Variants in ZMIZ1 observed in about 807,000 individuals in gnomAD.
ZMIZ1 encodes the protein zinc finger MIZ domain-containing protein 1.
In ZMIZ1, 17 loss-of-function variants were observed where a neutral mutation model predicts 113.9. The observed-to-expected ratio is 0.15, with a 90% CI of 0.10 to 0.22. The LOEUF (loss-of-function observed/expected upper bound fraction) is 0.22. Among genes scored for constraint, ZMIZ1 ranks in the 10% least tolerant of loss-of-function variants. ZMIZ1 has a pLI of 1.00. For missense variants in ZMIZ1, 1,059 were observed against 1,477.8 expected, an observed-to-expected ratio of 0.72 and a Z score of 4.65; for synonymous variants, 607 against 603.1, an observed-to-expected ratio of 1.01 and a Z score of -0.09.
intron 1 of ZMIZ1, among the ~76,000 whole-genome samples, chr10:79,113,216 C>T (rs1843823066): frequency 6.6e-6 from 1 of 152,230 alleles, no homozygotes. Flanking sequence ...AGCTCTGGTG[C>T]CGAGGTCCTT....
intron 7 of ZMIZ1, among the ~76,000 whole-genome samples, chr10:79,272,166 G>A (rs1851987668): frequency 6.6e-6 from 1 of 152,054 alleles, no homozygotes; most frequent in South Asian, 2.1e-4. Flanking sequence ...CACAACTGTA[G>A]TCCCAGCTAC....
chr10:79,195,742 T>G (rs1050396181), intron 4 of ZMIZ1, among the ~76,000 whole-genome samples: 35 of 152,216 alleles, frequency 2.3e-4, no homozygotes, highest in Admixed American at 1.6e-3. Flanking sequence ...TGGGGCCCAG[T>G]CACAGCCGGA....
intron 11 of ZMIZ1, chr10:79,292,869 G>A (rs2032556142): frequency 2.2e-6 from 1 of 463,084 alleles, no homozygotes; most frequent in Non-Finnish European, 4.3e-6. Context: ...AGGAGGTGAG[G>A]AGGTGGGAAC....
chr10:79,278,864 A>G (rs1177805751), intron 8 of ZMIZ1, among the ~76,000 whole-genome samples: 2 of 152,142 alleles, frequency 1.3e-5, no homozygotes, highest in Non-Finnish European at 2.9e-5. Flanking sequence ...TAACAATCTG[A>G]TCTCTCTTTC....
intron 3 of ZMIZ1, among the ~76,000 whole-genome samples, chr10:79,153,541 A>G (rs1845786341): frequency 6.6e-6 from 1 of 152,256 alleles, no homozygotes. Flanking sequence ...CTGGCCTTCC[A>G]GCAGGTCCCC....
At chr10:79,268,170 G>A (rs1024415319) in intron 7 of ZMIZ1, among the ~76,000 whole-genome samples, 4 of 152,208 alleles carry the variant, frequency 2.6e-5, no homozygotes, top group African/African-American at 7.2e-5. Context: ...CAGCAGCGCC[G>A]GCCCCTGAGC....
intron 1 of ZMIZ1, among the ~76,000 whole-genome samples, chr10:79,098,477 G>C (rs1345189717): frequency 6.6e-6 from 1 of 152,194 alleles, no homozygotes; most frequent in Non-Finnish European, 1.5e-5. Context: ...GGTGATAGTT[G>C]ACCACCTATC....
intron 7 of ZMIZ1, among the ~76,000 whole-genome samples, chr10:79,253,224 A>G (rs991254327): frequency 5.9e-5 from 9 of 152,224 alleles, no homozygotes; most frequent in Non-Finnish European, 1.2e-4. Flanking sequence ...CTTTGTGCAT[A>G]TATCAGATAA....
chr10:79,312,569 C>T, intron 24 of ZMIZ1, 73 bp from the exon 25 acceptor site: 4 of 1,528,278 alleles, frequency 2.6e-6, no homozygotes, highest in Non-Finnish European at 1.8e-6. Flanking sequence ...GGCCAGGGCG[C>T]CCCTGCATTC....
At chr10:79,179,598 C>T (rs1318503065) in intron 4 of ZMIZ1, among the ~76,000 whole-genome samples, 1 of 152,260 alleles carries the variant, frequency 6.6e-6, no homozygotes, top group Non-Finnish European at 1.5e-5. Context: ...GTCTCAGCCT[C>T]TTCCCACTGG....
At chr10:79,259,183 C>T (rs943496222) in intron 7 of ZMIZ1, among the ~76,000 whole-genome samples, 1 of 152,144 alleles carries the variant, frequency 6.6e-6, no homozygotes, top group African/African-American at 2.4e-5. Context: ...CTGCCCGGCT[C>T]CTGGACTGTT....
intron 10 of ZMIZ1, 29 bp from the exon 11 acceptor site, chr10:79,292,129 C>G (rs1853535381): frequency 1.3e-6 from 2 of 1,586,076 alleles, no homozygotes; most frequent in African/African-American, 2.7e-5. Flanking sequence ...CAGGCAGTAC[C>G]TAACTCTTCC....
intron 8 of ZMIZ1, among the ~76,000 whole-genome samples, chr10:79,286,696 G>A (rs1250566): frequency 0.24 from 36,969 of 152,266 alleles, 5,589 homozygotes; most frequent in East Asian, 0.36. Context: ...ACCAAGTTTG[G>A]GGCAGAGGGG....
chr10:79,285,229 C>T (rs1852990978), intron 8 of ZMIZ1, among the ~76,000 whole-genome samples: 1 of 152,202 alleles, frequency 6.6e-6, no homozygotes, highest in Non-Finnish European at 1.5e-5. Context: ...ATCTGTTGGG[C>T]CCACTTAATG....
rs901474185 is a variant in ZMIZ1, at chr10:79,315,859, CAAAAA to C, written c.*3116_*3120del. 6.9e-6 allele frequency: 1 copy of C among 144,194 alleles called. No homozygotes were observed. The highest frequency in any genetic ancestry group is 2.6e-5 in the African/African-American group (1 of 38,906). 8.9% of individuals were successfully genotyped at this position (144,194 alleles called of 1,614,324 possible). On this transcript the variant is annotated 3_prime_UTR_variant, in exon 25 of 25. Transcript: ENST00000334512. ...TTTTATTTTGCGAAACAAAACAAAA[CAAAAA>C]AAAAAGCTTGGAACTCCATCACGTG... is the stretch of plus-strand genomic sequence containing the variant.
chr10:79,301,809 C>T (rs989347939), intron 17 of ZMIZ1, among the ~76,000 whole-genome samples: 1 of 152,074 alleles, frequency 6.6e-6, no homozygotes, highest in Non-Finnish European at 1.5e-5. Context: ...GCTAAGGACA[C>T]ATGATGGGGA....
At chr10:79,285,369 C>G (rs1465029498) in intron 8 of ZMIZ1, 4 of 428,698 alleles carry the variant, frequency 9.3e-6, no homozygotes, top group African/African-American at 2.0e-5. Flanking sequence ...GTGCGGGACT[C>G]TGGGCCTCAT....
intron 8 of ZMIZ1, among the ~76,000 whole-genome samples, chr10:79,289,180 G>A (rs1280397471): frequency 6.6e-6 from 1 of 152,126 alleles, no homozygotes; most frequent in Non-Finnish European, 1.5e-5. Flanking sequence ...AGATCGGGGT[G>A]GGGGCAGGAG....
chr10:79,105,066 C>T (rs1230524902), intron 1 of ZMIZ1, among the ~76,000 whole-genome samples: 2 of 151,646 alleles, frequency 1.3e-5, no homozygotes, highest in Non-Finnish European at 2.9e-5. Flanking sequence ...CAATTGCCAC[C>T]AAACTGTCTT....
Sources: gnomAD v4.1 joint callset for allele counts (sites outside exome capture counted in the v4.1 genomes callset) on GRCh38, gnomAD v4.1.1 for gene constraint, MANE v1.5 for transcripts, NCBI Gene and HGNC (gene_info 2026-07-23, HGNC 2026-07-21) for gene names.